SCN1A: variants seen among roughly 807,000 people sequenced by gnomAD.
SCN1A encodes the protein sodium voltage-gated channel alpha subunit 1.
A neutral mutation model predicts 193.7 loss-of-function variants in SCN1A; 13 were observed. That is an observed-to-expected ratio of 0.07 (90% CI 0.04 to 0.11). The LOEUF (loss-of-function observed/expected upper bound fraction) is 0.11, where lower values mean the gene tolerates loss of function less well. SCN1A is among the 10% of genes least tolerant of loss of function. The pLI, the probability that SCN1A is intolerant of heterozygous loss-of-function variation, is 1.00. For missense variants in SCN1A, 1,432 were observed against 2,451.1 expected (o/e 0.58, Z 8.78); for synonymous variants, 781 against 843.6 (o/e 0.93, Z 1.29).
At chr2:166,120,761 A>G (rs1209778152) in intron 2 of SCN1A, among the ~76,000 whole-genome samples, 1 of 151,356 alleles carries the variant, frequency 6.6e-6, no homozygotes, top group Non-Finnish European at 1.5e-5. Flanking sequence ...CTGCAGGTGC[A>G]CACCACCATG....
chr2:166,045,684 G>A (rs1372706811), intron 12 of SCN1A, among the ~76,000 whole-genome samples: 6 of 152,118 alleles, frequency 3.9e-5, no homozygotes, highest in East Asian at 1.9e-4. Flanking sequence ...TCTTTTCTCC[G>A]AAAAAGAAAC....
intron 2 of SCN1A, among the ~76,000 whole-genome samples, chr2:166,118,228 T>C (rs1690098250): frequency 1.3e-5 from 2 of 149,412 alleles, no homozygotes; most frequent in South Asian, 4.3e-4. Context: ...CTTTTTGCTA[T>C]TCCACAGAGA....
At chr2:166,042,472 G>A (rs746254348) in intron 14 of SCN1A, 48 bp from the exon 15 acceptor site, 1 of 1,585,016 alleles carries the variant, frequency 6.3e-7, no homozygotes, top group Non-Finnish European at 8.7e-7. Flanking sequence ...TGAGCAATAT[G>A]ACAAGCAAAC....
intron 22 of SCN1A, among the ~76,000 whole-genome samples, chr2:166,010,726 T>C (rs1399359842): frequency 6.6e-6 from 1 of 151,182 alleles, no homozygotes; most frequent in African/African-American, 2.4e-5. Flanking sequence ...AATGTATTAA[T>C]TGTATCATAT....
At chr2:166,003,571 G>A (rs1691241983) in intron 23 of SCN1A, among the ~76,000 whole-genome samples, 1 of 150,228 alleles carries the variant, frequency 6.7e-6, no homozygotes, top group Admixed American at 6.7e-5. Flanking sequence ...TTTACTTCTG[G>A]ACCACTAGTT....
intron 2 of SCN1A, among the ~76,000 whole-genome samples, chr2:166,120,409 A>G (rs757602916): frequency 2.0e-5 from 3 of 150,910 alleles, no homozygotes; most frequent in Non-Finnish European, 2.9e-5. Context: ...CTAGATATAT[A>G]TGTTTGTAAG....
chr2:166,077,590 C>A (rs1271823918), intron 3 of SCN1A, 120 bp downstream of exon 3: 2 of 151,904 alleles, frequency 1.3e-5, no homozygotes, highest in East Asian at 3.9e-4. Flanking sequence ...GGATATGGAG[C>A]AATAGAAGCT....
At chr2:166,041,101 A>G in intron 16 of SCN1A, 130 bp downstream of exon 16, 6 of 762,716 alleles carry the variant, frequency 7.9e-6, no homozygotes, top group Admixed American at 7.8e-5. Context: ...CCAGCTAAAT[A>G]TAATTGCGAT....
At chr2:166,125,611 G>A (rs1324935827) in intron 2 of SCN1A, among the ~76,000 whole-genome samples, 1 of 152,110 alleles carries the variant, frequency 6.6e-6, no homozygotes, top group East Asian at 1.9e-4. Flanking sequence ...TCTATACAAG[G>A]AACTAGAATG....
At chr2:166,039,650 T>C in intron 16 of SCN1A, 54 bp from the exon 17 acceptor site, 1 of 1,482,410 alleles carries the variant, frequency 6.7e-7, no homozygotes, top group Non-Finnish European at 9.4e-7. Flanking sequence ...ATACATGACA[T>C]AAGATTTGCT....
intron 23 of SCN1A, chr2:166,003,016 A>G: frequency 3.8e-6 from 1 of 261,794 alleles, no homozygotes; most frequent in Non-Finnish European, 7.1e-6. Context: ...AAGCATTAAA[A>G]GGTTAAAGGA....
At chr2:166,107,725 A>T (rs1209090481) in intron 2 of SCN1A, among the ~76,000 whole-genome samples, 1 of 152,182 alleles carries the variant, frequency 6.6e-6, no homozygotes, top group Non-Finnish European at 1.5e-5. Context: ...TAATCATTTC[A>T]GCAACTAGTA....
chr2:166,090,354 T>C (rs1247907180), intron 2 of SCN1A, among the ~76,000 whole-genome samples: 1 of 152,120 alleles, frequency 6.6e-6, no homozygotes, highest in Non-Finnish European at 1.5e-5. Context: ...AATTTAAACT[T>C]CTAAAGATGA....
chr2:166,015,349 T>G lies in SCN1A; in HGVS notation c.3550+258A>C, dbSNP rs575633500. Among the ~76,000 whole-genome samples, 9 of 152,062 alleles carry G rather than the reference T, an allele frequency of 5.9e-5. No homozygotes were observed. The South Asian group carries it at 1.7e-3, about 28-fold the overall frequency. ...AACTTATTGTGAAATCACTACTTACTTTAAAAATATAAGTTAGAAGTTTTG... is the reference window on the plus strand; with the variant it reads ...AACTTATTGTGAAATCACTACTTACGTTAAAAATATAAGTTAGAAGTTTTG... On this transcript the variant is annotated intron_variant, in intron 20 of 28. Coordinates refer to ENST00000674923, the MANE Select transcript of SCN1A (RefSeq NM_001165963.4).
chr2:166,103,845 A>T (rs1688404984), intron 2 of SCN1A, among the ~76,000 whole-genome samples: 1 of 152,220 alleles, frequency 6.6e-6, no homozygotes, highest in Admixed American at 6.5e-5. Context: ...AATATATATT[A>T]TTATCACTAT....
Position 166,128,007 on chromosome 2 carries a change from C to T in SCN1A, c.-465G>A, listed in dbSNP as rs1691447668. 6.7e-6 allele frequency: 1 copy of T among 149,424 alleles called. No individual in the cohort carries two copies. Among genetic ancestry groups the T allele is most frequent in the African/African-American group, 2.5e-5 (1 of 40,496 alleles). The allele number at this position is 149,424 out of a possible 1,614,324, so 9.3% of individuals were successfully genotyped here. A position where few individuals can be genotyped will look rare whatever the true frequency, so the allele number is the denominator to read the frequency against. ...CAGTATCCTCTCGGCTTCATCCTCG[C>T]CTCACTCTATGGTACCTAATACAAA... On this transcript the variant is annotated 5_prime_UTR_variant, in exon 1 of 29. Coordinates refer to ENST00000674923, the MANE Select transcript of SCN1A (RefSeq NM_001165963.4).
Position 166,051,594 on chromosome 2 carries a change from G to A in SCN1A, c.964+125C>T, listed in dbSNP as rs1274232601. The stretch of plus-strand genomic sequence containing the variant: ...GGGGTACATGAGATGTTTTGATACA[G>A]GCCTGCAATGTGTGCTAATCACATC... On this transcript the variant is annotated intron_variant, in intron 9 of 28. Transcript: ENST00000674923. The A allele has an allele frequency of 4.3e-6, 3 of 692,708 alleles. No individual in the cohort carries two copies. In the East Asian group the frequency reaches 8.4e-5, roughly 19 times the overall value. The allele number at this position is 692,708 out of a possible 1,614,324, so 42.9% of individuals were successfully genotyped here. A position where few individuals can be genotyped will look rare whatever the true frequency, so the allele number is the denominator to read the frequency against.
chr2:165,997,865 C>T (rs564334642), intron 26 of SCN1A, among the ~76,000 whole-genome samples, 173 bp downstream of exon 26: 376 of 151,246 alleles, frequency 2.5e-3, no homozygotes, highest in Non-Finnish European at 4.5e-3. Flanking sequence ...TTATTCTTAG[C>T]TTTCTATAGC....
In SCN1A at chr2:166,037,818, G is replaced by A. The variant is rs922757507; in HGVS notation, c.2904C>T (p.Cys968=). The change falls in exon 18 of 29, where the codon TGC becomes TGT. Residue 968 remains cysteine (C), a synonymous_variant. Coordinates refer to ENST00000674923, the MANE Select transcript of SCN1A (RefSeq NM_001165963.4). ...DCMEVAGQAM[C]LTVFMMVMVI... ...CCATGACCATCATGAAGACAGTAAG[G>A]CACATGGCTTGACCAGCAACCTCCA... is the stretch of plus-strand genomic sequence containing the variant. 7.4e-6 allele frequency: 12 copies of A among 1,614,036 alleles called. No individual in the cohort carries two copies. Among genetic ancestry groups the A allele is most frequent in the Non-Finnish European group, 1.0e-5 (12 of 1,180,028 alleles).
Sources: gnomAD v4.1 joint callset for allele counts (sites outside exome capture counted in the v4.1 genomes callset) on GRCh38, gnomAD v4.1.1 for gene constraint, MANE v1.5 for transcripts, NCBI Gene and HGNC (gene_info 2026-07-23, HGNC 2026-07-21) for gene names.